Variants in HMOX1 observed in about 807,000 individuals in gnomAD.
HMOX1 encodes heme oxygenase 1.
A neutral mutation model predicts 27.8 loss-of-function variants in HMOX1; 22 were observed. The ratio of observed to expected loss-of-function variants is 0.79; its 90% CI spans 0.57 to 1.13. HMOX1 has a LOEUF of 1.13. Ranked by LOEUF, HMOX1 falls within the 50% of genes most tolerant of loss-of-function variation. HMOX1 has a pLI of 0.00. For missense variants in HMOX1, 379 were observed against 377.7 expected (o/e 1.00, Z -0.03); for synonymous variants, 153 against 151.6 (o/e 1.01, Z -0.07).
chr22:35,382,662 C>T (rs1432840996), intron 1 of HMOX1, among the ~76,000 whole-genome samples: 1 of 128,316 alleles, frequency 7.8e-6, no homozygotes, highest in Non-Finnish European at 1.7e-5. Flanking sequence ...CATGCCTGGC[C>T]CTTTTTTTCT....
In HMOX1 at chr22:35,389,814, C is replaced by A. The variant is rs755596328; in HGVS notation, c.637-50C>A. On this transcript the variant is annotated intron_variant, in intron 3 of 4. Transcript: ENST00000216117. ...CTTAAGGTCCTACCTTCAGCTGGGA[C>A]CTGGTAGCATCTCTCACTGAGATAG... 1.7e-5 allele frequency: 21 copies of A among 1,269,104 alleles called. No homozygotes were observed. In the South Asian group the frequency reaches 2.5e-4, roughly 15 times the overall value. 78.6% of individuals were successfully genotyped at this position (1,269,104 alleles called of 1,614,324 possible).
At chr22:35,391,757 A>AT (rs36054326) in intron 4 of HMOX1, among the ~76,000 whole-genome samples, 11,376 of 139,942 alleles carry the variant, frequency 0.081, 553 homozygotes, top group African/African-American at 0.14. Context: ...CCACACCCAG[A>AT]TTTTTTTTTT....
At chr22:35,386,561 C>A in intron 2 of HMOX1, 124 bp from the exon 3 acceptor site, 1 of 1,187,654 alleles carries the variant, frequency 8.4e-7, no homozygotes, top group Non-Finnish European at 1.2e-6. Flanking sequence ...CGAGGGGTGG[C>A]AGAAGGAGTC....
In HMOX1 at chr22:35,389,319, CTTCT is replaced by C. The variant is rs369961459; in HGVS notation, c.637-527_637-524del. Among the ~76,000 whole-genome samples the C allele has an allele frequency of 9.4e-3, 815 of 86,244 alleles. 67 individuals carry two copies. The highest frequency in any genetic ancestry group is 0.033 in the East Asian group (98 of 2,996). 56.6% of individuals were successfully genotyped at this position (86,244 alleles called of 152,430 possible). A position where few individuals can be genotyped will look rare whatever the true frequency, so the allele number is the denominator to read the frequency against. On this transcript the variant is annotated intron_variant, in intron 3 of 4. Coordinates refer to ENST00000216117, the MANE Select transcript of HMOX1 (RefSeq NM_002133.3). The stretch of plus-strand genomic sequence containing the variant: ...TTCTTCTTTCTTTCTTTCTTTCTTT[CTTCT>C]TTCTTTCTTTCTTTCTTCTCCTTCC...
Position 35,387,181 on chromosome 22 carries a change from G to T in HMOX1, c.636+5G>T, listed in dbSNP as rs1026242259. 2 of 1,613,224 alleles carry T rather than the reference G, an allele frequency of 1.2e-6. No homozygotes were observed. Among genetic ancestry groups the T allele is most frequent in the African/African-American group, 2.7e-5 (2 of 74,932 alleles). ...GCGTTCCTGCTCAACATCCAGGTGA[G>T]GGTCGGGCAGCCTGGGGCAGCCTCT... On this transcript the variant is annotated splice_donor_5th_base_variant and intron_variant, in intron 3 of 4. Coordinates refer to ENST00000216117, the MANE Select transcript of HMOX1 (RefSeq NM_002133.3).
chr22:35,387,326 G>A (rs1289902668), intron 3 of HMOX1, 150 bp downstream of exon 3: 1 of 865,994 alleles, frequency 1.2e-6, no homozygotes, highest in Non-Finnish European at 1.9e-6. Flanking sequence ...GTGATCTTGG[G>A]CAAATGCCTT....
Position 35,386,919 on chromosome 22 carries a change from G to T in HMOX1, c.379G>T (p.Glu127Ter), listed in dbSNP as rs774342824. 1.2e-6 allele frequency: 2 copies of T among 1,614,034 alleles called. No homozygotes were observed. The highest frequency in any genetic ancestry group is 1.7e-6 in the Non-Finnish European group (2 of 1,180,008). The part of the protein sequence containing the change: ...RLHEVGRTEP[E>*]LLVAHAYTRY... ...CCACGAGGTGGGGCGCACAGAGCCCGAGCTGCTGGTGGCCCACGCCTACAC... is the reference window on the plus strand; with the variant it reads ...CCACGAGGTGGGGCGCACAGAGCCCTAGCTGCTGGTGGCCCACGCCTACAC... The change falls in exon 3 of 5, where the codon GAG becomes TAG. Residue 127 changes from glutamate to a stop codon, truncating the protein, a stop_gained. Coordinates refer to ENST00000216117, the MANE Select transcript of HMOX1 (RefSeq NM_002133.3). LOFTEE classifies it high-confidence loss of function.
Position 35,389,968 on chromosome 22 carries a change from G to A in HMOX1, c.736+5G>A. The stretch of plus-strand genomic sequence containing the variant: ...GGGCCAGCAACAAAGTGCAAGGTGA[G>A]AGCATCCAGGAAGGGGCACTTCCTC... On this transcript the variant is annotated splice_donor_5th_base_variant and intron_variant, in intron 4 of 4. Coordinates refer to ENST00000216117, the MANE Select transcript of HMOX1 (RefSeq NM_002133.3). 1 of 1,601,804 alleles carries A rather than the reference G, an allele frequency of 6.2e-7. No individual in the cohort carries two copies. The highest frequency in any genetic ancestry group is 8.5e-7 in the Non-Finnish European group (1 of 1,172,656).
chr22:35,391,174 C>G (rs5995098), intron 4 of HMOX1, among the ~76,000 whole-genome samples: 42,875 of 152,030 alleles, frequency 0.28, 6,480 homozygotes, highest in East Asian at 0.46. Context: ...GAGACGTCAC[C>G]CTAATGAAGC....
intron 2 of HMOX1, among the ~76,000 whole-genome samples, chr22:35,384,527 T>G (rs1931461969): frequency 6.6e-6 from 1 of 151,926 alleles, no homozygotes; most frequent in South Asian, 2.1e-4. Context: ...CTGGAGACAG[T>G]GGGTGCAGGG....
At chr22:35,386,530 G>C (rs1301918396) in intron 2 of HMOX1, among the ~76,000 whole-genome samples, 155 bp from the exon 3 acceptor site, 1 of 152,236 alleles carries the variant, frequency 6.6e-6, no homozygotes, top group Non-Finnish European at 1.5e-5. Context: ...CCCTCTGGCT[G>C]CTGTGTGAAG....
At chr22:35,387,708 A>G (rs911766903) in intron 3 of HMOX1, among the ~76,000 whole-genome samples, 1 of 152,194 alleles carries the variant, frequency 6.6e-6, no homozygotes, top group African/African-American at 2.4e-5. Flanking sequence ...GGAAGGATGA[A>G]TTCTTGGGCA....
intron 2 of HMOX1, among the ~76,000 whole-genome samples, chr22:35,386,189 CT>C (rs1931499157): frequency 1.3e-5 from 2 of 152,022 alleles, no homozygotes; most frequent in African/African-American, 2.4e-5. Context: ...ATGTCCTGAC[CT>C]TGTGATCCTC....
In HMOX1 at chr22:35,394,133, G is replaced by A. The variant is rs948896029; in HGVS notation, c.*535G>A. 87 of 191,646 alleles carry A rather than the reference G, an allele frequency of 4.5e-4. No homozygotes were observed. Among genetic ancestry groups the A allele is most frequent in the African/African-American group, 2.0e-3 (86 of 42,850 alleles). 11.9% of individuals were successfully genotyped at this position (191,646 alleles called of 1,614,324 possible). On this transcript the variant is annotated 3_prime_UTR_variant, in exon 5 of 5. Transcript: ENST00000216117. ...GGTTTTTGAGCCATGCGTGGGTGGGGAGGGAGGTGTTTAACGGCACTGTGG... is the reference window on the plus strand; with the variant it reads ...GGTTTTTGAGCCATGCGTGGGTGGGAAGGGAGGTGTTTAACGGCACTGTGG...
Position 35,390,286 on chromosome 22 carries a change from C to T in HMOX1, c.736+323C>T, listed in dbSNP as rs1369334417. 2.7e-5 allele frequency: 10 copies of T among 376,844 alleles called. 1 individual carries two copies. The highest frequency in any genetic ancestry group is 4.2e-5 in the African/African-American group (2 of 47,730). The allele number at this position is 376,844 out of a possible 1,614,324, so 23.3% of individuals were successfully genotyped here. A position where few individuals can be genotyped will look rare whatever the true frequency, so the allele number is the denominator to read the frequency against. The stretch of plus-strand genomic sequence containing the variant: ...TCACCCAGGCTGGAGTGCAGTGGCG[C>T]GATCTCAGCTCACTGCAACCTCTGC... On this transcript the variant is annotated intron_variant, in intron 4 of 4. Transcript: ENST00000216117.
At chr22:35,383,380 G>C (rs1189502859) in intron 2 of HMOX1, among the ~76,000 whole-genome samples, 154 bp downstream of exon 2, 1 of 152,186 alleles carries the variant, frequency 6.6e-6, no homozygotes, top group Non-Finnish European at 1.5e-5. Context: ...GGCTCAGAGA[G>C]GGAAGGTGAG....
intron 1 of HMOX1, 161 bp downstream of exon 1, chr22:35,381,357 C>G (rs1931385287): frequency 1.2e-6 from 1 of 801,396 alleles, no homozygotes. Flanking sequence ...TGCCTGTGCC[C>G]GTAGGGTAGT....
intron 4 of HMOX1, among the ~76,000 whole-genome samples, chr22:35,393,265 G>A (rs1027463537): frequency 6.6e-6 from 1 of 152,186 alleles, no homozygotes; most frequent in African/African-American, 2.4e-5. Context: ...AGAACAGACA[G>A]CTTGAAGAAG....
At chr22:35,385,433 A>ATT (rs199925853) in intron 2 of HMOX1, among the ~76,000 whole-genome samples, 4,754 of 124,668 alleles carry the variant, frequency 0.038, 107 homozygotes, top group Middle Eastern at 0.066. Flanking sequence ...CCTTTGTTGG[A>ATT]TTTTTTTTTT....
Sources: allele counts gnomAD v4.1 joint callset (sites outside exome capture counted in the v4.1 genomes callset), GRCh38; gene constraint gnomAD v4.1.1; transcripts MANE v1.5; gene names NCBI Gene and HGNC (gene_info 2026-07-23, HGNC 2026-07-21).